The following SLC23A2 variants were observed in gnomAD, a reference collection of about 807,000 sequenced individuals.
SLC23A2 encodes the protein Na(+)/L-ascorbic acid transporter 2.
In SLC23A2, 36 loss-of-function variants were observed where a neutral mutation model predicts 73.3. The ratio of observed to expected loss-of-function variants is 0.49; its 90% CI spans 0.38 to 0.65. The LOEUF is 0.65. Ranked by LOEUF, SLC23A2 falls within the 30% of genes least tolerant of loss-of-function variation. The pLI is 0.00. For missense variants in SLC23A2, 507 were observed against 841.6 expected, an observed-to-expected ratio of 0.60 and a Z score of 4.92; for synonymous variants, 343 against 327.3, an observed-to-expected ratio of 1.05 and a Z score of -0.52.
At chr20:4,913,713 G>A (rs1434274587) in intron 3 of SLC23A2, among the ~76,000 whole-genome samples, 5 of 151,756 alleles carry the variant, frequency 3.3e-5, no homozygotes, top group Admixed American at 6.6e-5. Context: ...TGCAACCTCC[G>A]CCTCCCAGGT....
At chr20:5,007,528 G>A (rs2088204322) in intron 1 of SLC23A2, among the ~76,000 whole-genome samples, 1 of 152,116 alleles carries the variant, frequency 6.6e-6, no homozygotes, top group African/African-American at 2.4e-5. Flanking sequence ...AAGACTCAGT[G>A]TCAAAAACAA....
intron 1 of SLC23A2, among the ~76,000 whole-genome samples, chr20:4,984,706 C>A (rs1231428911): frequency 6.6e-6 from 1 of 152,082 alleles, no homozygotes; most frequent in African/African-American, 2.4e-5. Context: ...AAACCAAAAC[C>A]ACTGCACACC....
chr20:4,968,811 T>C (rs1310187337), intron 2 of SLC23A2, among the ~76,000 whole-genome samples: 1 of 149,550 alleles, frequency 6.7e-6, no homozygotes, highest in Admixed American at 6.7e-5. Context: ...CTCAGCCTCC[T>C]GAGGTCATGC....
At chr20:4,993,213 G>A (rs1195710631) in intron 1 of SLC23A2, among the ~76,000 whole-genome samples, 1 of 151,514 alleles carries the variant, frequency 6.6e-6, no homozygotes, top group Non-Finnish European at 1.5e-5. Flanking sequence ...GAACCTGGGA[G>A]GTGGAGCTTG....
At chr20:4,996,249 A>G (rs1382786449) in intron 1 of SLC23A2, among the ~76,000 whole-genome samples, 1 of 152,142 alleles carries the variant, frequency 6.6e-6, no homozygotes, top group Admixed American at 6.6e-5. Flanking sequence ...CTGCACTTCC[A>G]TTCAACTTAG....
At chr20:4,909,053 A>T (rs1223858400) in intron 4 of SLC23A2, among the ~76,000 whole-genome samples, 1 of 152,232 alleles carries the variant, frequency 6.6e-6, no homozygotes, top group Non-Finnish European at 1.5e-5. Flanking sequence ...GCTCAAAAAT[A>T]ATAATATGCC....
Position 4,965,966 on chromosome 20 carries a change from C to CA in SLC23A2, c.-155+4826dup, listed in dbSNP as rs3055921. Among the ~76,000 whole-genome samples, 230 of 99,984 alleles carry CA rather than the reference C, an allele frequency of 2.3e-3. 4 individuals are homozygous for CA. The highest frequency in any genetic ancestry group is 0.01 in the East Asian group (36 of 3,444). 65.6% of individuals were successfully genotyped at this position (99,984 alleles called of 152,430 possible). ...TGGGTGACTGAGTGAGACTCCATCTCAAAAAAAAAAAAAAAAAGGGAAGAT... is the reference window on the plus strand; with the variant it reads ...TGGGTGACTGAGTGAGACTCCATCTCAAAAAAAAAAAAAAAAAAGGGAAGAT... On this transcript the variant is annotated intron_variant, in intron 2 of 16. Coordinates refer to ENST00000338244, the MANE Select transcript of SLC23A2 (RefSeq NM_005116.6).
intron 3 of SLC23A2, among the ~76,000 whole-genome samples, chr20:4,922,692 G>T (rs1932535434): frequency 1.3e-5 from 2 of 152,220 alleles, no homozygotes; most frequent in South Asian, 4.1e-4. Context: ...GCTGGGCATG[G>T]TCGTGCATGC....
intron 2 of SLC23A2, among the ~76,000 whole-genome samples, chr20:4,943,168 T>A (rs1600156819): frequency 6.6e-6 from 1 of 151,106 alleles, no homozygotes; most frequent in East Asian, 2.0e-4. Context: ...AAGATAGATG[T>A]TCCATAAATG....
At chr20:4,907,325 A>G (rs1269998843) in intron 4 of SLC23A2, among the ~76,000 whole-genome samples, 1 of 152,112 alleles carries the variant, frequency 6.6e-6, no homozygotes, top group Non-Finnish European at 1.5e-5. Context: ...CCACCTGGTC[A>G]CTCAAGGGCA....
At chr20:4,990,426 G>A (rs2122320080) in intron 1 of SLC23A2, among the ~76,000 whole-genome samples, 1 of 152,062 alleles carries the variant, frequency 6.6e-6, no homozygotes, top group Non-Finnish European at 1.5e-5. Flanking sequence ...CTGAAATGCA[G>A]TGGCGCGATC....
chr20:4,867,911 C>G (rs765156250), intron 12 of SLC23A2, 36 bp from the exon 13 acceptor site: 2 of 1,215,154 alleles, frequency 1.6e-6, no homozygotes, highest in Non-Finnish European at 2.4e-6. Flanking sequence ...GAAAATCATT[C>G]AATGGGATAA....
intron 1 of SLC23A2, among the ~76,000 whole-genome samples, chr20:4,971,465 A>G (rs1023823079): frequency 6.6e-6 from 1 of 151,646 alleles, no homozygotes; most frequent in Non-Finnish European, 1.5e-5. Context: ...TGGATGACAG[A>G]GTGAGACTCT....
At chr20:4,996,905 G>A (rs910395565) in intron 1 of SLC23A2, among the ~76,000 whole-genome samples, 1 of 152,002 alleles carries the variant, frequency 6.6e-6, no homozygotes, top group African/African-American at 2.4e-5. Flanking sequence ...TTCCATTGAG[G>A]ATGACCTTCC....
At chr20:4,941,255 G>A (rs1241229129) in intron 2 of SLC23A2, among the ~76,000 whole-genome samples, 1 of 152,034 alleles carries the variant, frequency 6.6e-6, no homozygotes, top group Non-Finnish European at 1.5e-5. Flanking sequence ...CAGGCATGGT[G>A]GCTCATGCAC....
At position 4,885,811 on chromosome 20, in the gene SLC23A2, C is replaced by T. The variant is rs371756978; in HGVS notation, c.571+10G>A. 1.9e-6 allele frequency: 3 copies of T among 1,590,696 alleles called. No homozygotes were observed. The highest frequency in any genetic ancestry group is 1.7e-6 in the Non-Finnish European group (2 of 1,158,844). On this transcript the variant is annotated intron_variant, in intron 7 of 16. Transcript: ENST00000338244. ...ACCCCAATGACATATGTGGAAATAA[C>T]TGCAATTACCTGTGGTGTTACATTT...
chr20:4,975,522 G>A (rs548536768), intron 1 of SLC23A2, among the ~76,000 whole-genome samples: 3 of 151,568 alleles, frequency 2.0e-5, no homozygotes, highest in South Asian at 2.1e-4. Flanking sequence ...CTGGGATTAC[G>A]TGCACGCACC....
Position 4,852,844 on chromosome 20 carries a change from T to A in SLC23A2, c.*4128A>T, listed in dbSNP as rs1015940230. The stretch of plus-strand genomic sequence containing the variant: ...ATGCTAAGGACATGGGAGGGTAGAG[T>A]GATGCTGAAACACAGTCAACACCAA... On this transcript the variant is annotated 3_prime_UTR_variant, in exon 17 of 17. Coordinates refer to ENST00000338244, the MANE Select transcript of SLC23A2 (RefSeq NM_005116.6). This position sits in a 1 kb window ranked among gnomAD's most constrained non-coding sequence, Gnocchi z 4.3. The A allele has an allele frequency of 2.0e-5, 3 of 152,308 alleles. No homozygotes were observed. The highest frequency in any genetic ancestry group is 2.0e-4 in the Admixed American group (3 of 15,240). The allele number at this position is 152,308 out of a possible 1,614,324, so 9.4% of individuals were successfully genotyped here.
intron 4 of SLC23A2, among the ~76,000 whole-genome samples, chr20:4,908,447 T>C (rs1473047511): frequency 1.3e-5 from 2 of 152,208 alleles, no homozygotes; most frequent in Non-Finnish European, 2.9e-5. Context: ...AGCCCCTGAT[T>C]TGATTCCTGG....
Sources: allele counts gnomAD v4.1 joint callset (sites outside exome capture counted in the v4.1 genomes callset), GRCh38; gene constraint gnomAD v4.1.1; non-coding constraint Gnocchi (gnomAD v3.1); transcripts MANE v1.5; gene names NCBI Gene and HGNC (gene_info 2026-07-23, HGNC 2026-07-21).